The following ATM variants were observed in gnomAD, a reference collection of about 807,000 sequenced individuals.
The protein encoded by ATM is serine-protein kinase ATM.
ATM carries 308 observed loss-of-function variants against 387.0 expected under a neutral mutation model. The ratio of observed to expected loss-of-function variants is 0.80; its 90% CI spans 0.73 to 0.87. The LOEUF (loss-of-function observed/expected upper bound fraction) is 0.87. Among genes scored for constraint, ATM ranks in the 40% least tolerant of loss-of-function variants. The probability of loss-of-function intolerance (pLI) is 0.00; values close to 1 mark genes in which losing one functional copy is unlikely to be tolerated. For missense variants in ATM, 3,312 were observed against 3,560.9 expected, an observed-to-expected ratio of 0.93 and a Z score of 1.78; for synonymous variants, 1,156 against 1,187.3, an observed-to-expected ratio of 0.97 and a Z score of 0.54.
intron 48 of ATM, among the ~76,000 whole-genome samples, chr11:108,328,257 T>C (rs2085882302): frequency 6.6e-6 from 1 of 152,172 alleles, no homozygotes; most frequent in Non-Finnish European, 1.5e-5. Context: ...TTTTCTTTTC[T>C]TTTCTTTGAG....
chr11:108,298,028 A>T (rs1315361386), intron 33 of ATM, among the ~76,000 whole-genome samples: 2 of 152,220 alleles, frequency 1.3e-5, no homozygotes, highest in African/African-American at 4.8e-5. Flanking sequence ...TATGTAGCAG[A>T]CATAAGAATG....
chr11:108,353,992 G>T (rs1198251837), intron 60 of ATM, 112 bp downstream of exon 60: 29 of 1,047,316 alleles, frequency 2.8e-5, no homozygotes, highest in Non-Finnish European at 4.2e-5. Flanking sequence ...GAAGTGGGAG[G>T]ATTGTTTGAG....
chr11:108,264,415 T>G (rs1002291148), intron 16 of ATM, among the ~76,000 whole-genome samples: 1 of 152,190 alleles, frequency 6.6e-6, no homozygotes, highest in African/African-American at 2.4e-5. Context: ...GAAAAGGCCT[T>G]GGACAAAATT....
intron 7 of ATM, among the ~76,000 whole-genome samples, chr11:108,245,745 T>C (rs2079815741): frequency 6.6e-6 from 1 of 152,018 alleles, no homozygotes; most frequent in Admixed American, 6.6e-5. Flanking sequence ...TCATCATGGC[T>C]AGTATAGTGA....
At chr11:108,321,176 C>G (rs577845640) in intron 44 of ATM, 125 bp from the exon 45 acceptor site, 1 of 1,268,236 alleles carries the variant, frequency 7.9e-7, no homozygotes, top group South Asian at 1.3e-5. Context: ...TTCACTGTTG[C>G]TTGTTAGTAT....
rs1034235291 is a variant in ATM, at chr11:108,293,313, G to C, written c.4612G>C (p.Val1538Leu). The C allele has an allele frequency of 6.6e-7, 1 of 1,510,568 alleles. No individual in the cohort carries two copies. The highest frequency in any genetic ancestry group is 1.9e-4 in the Middle Eastern group (1 of 5,268). 93.6% of individuals were successfully genotyped at this position (1,510,568 alleles called of 1,614,324 possible). A position where few individuals can be genotyped will look rare whatever the true frequency, so the allele number is the denominator to read the frequency against. ...TTTTTTCTTTTTAAATTATATTTAGGTATTGGACTTGTTGAAATACTTAGT... is the reference window on the plus strand; with the variant it reads ...TTTTTTCTTTTTAAATTATATTTAGCTATTGGACTTGTTGAAATACTTAGT... ...VYEQVEVQKQ[V>L]LDLLKYLVID... The change falls in exon 31 of 63, where the codon GTA (valine) becomes CTA (leucine). Residue 1538 changes from valine to leucine, a missense_variant and splice_region_variant. Physicochemically the swap from Val to Leu is conservative, Grantham distance 32. This residue lies in a region of ATM where 1,791 missense variants were observed against 1,804.5 expected (regional missense o/e 0.99). Transcript: ENST00000675843.
chr11:108,304,584 A>G, intron 36 of ATM, 91 bp from the exon 37 acceptor site: 1 of 1,236,908 alleles, frequency 8.1e-7, no homozygotes, highest in South Asian at 1.3e-5. Context: ...GAAATTTAAT[A>G]TGTCAACGGG....
chr11:108,327,531 TCCCACC>T, intron 47 of ATM, 108 bp from the exon 48 acceptor site: 1 of 807,648 alleles, frequency 1.2e-6, no homozygotes, highest in South Asian at 1.5e-5. Context: ...ACTTTTTTTT[TCCCACC>T]CACCAAGGAA....
rs768356403 is a variant in ATM, at chr11:108,281,134, AAG to A, written c.3546_3547del (p.Asn1183TrpfsTer16). The A allele has an allele frequency of 1.2e-6, 2 of 1,614,000 alleles. No homozygotes were observed. Among genetic ancestry groups the A allele is most frequent in the South Asian group, 2.2e-5 (2 of 91,084 alleles). ...TTGTTTGCCCTGTGTAAATCTGTGA[AAG>A]AGAATGGATTAGAACCTCACCTTGT... On this transcript the variant is annotated frameshift_variant, in exon 24 of 63. Coordinates refer to ENST00000675843, the MANE Select transcript of ATM (RefSeq NM_000051.4). LOFTEE classifies it high-confidence loss of function.
intron 4 of ATM, 90 bp from the exon 5 acceptor site, chr11:108,235,580 C>T (rs1462890819): frequency 2.7e-5 from 33 of 1,230,642 alleles, no homozygotes; most frequent in Non-Finnish European, 3.4e-5. Context: ...ATAGTAATTT[C>T]CCAAATGGAA....
In ATM at chr11:108,320,133, AT is replaced by A. The variant is rs2085097302; in HGVS notation, c.6452+79del. 1.5e-5 allele frequency: 17 copies of A among 1,141,290 alleles called. No homozygotes were observed. In the South Asian group the frequency reaches 2.1e-4, roughly 14 times the overall value. The allele number at this position is 1,141,290 out of a possible 1,614,324, so 70.7% of individuals were successfully genotyped here. A position where few individuals can be genotyped will look rare whatever the true frequency, so the allele number is the denominator to read the frequency against. ...TTCTTTTCTGAAAACTTGAGAAACA[AT>A]TTTAATGTAAGGATTTGCATTGATG... On this transcript the variant is annotated intron_variant, in intron 44 of 62. Coordinates refer to ENST00000675843, the MANE Select transcript of ATM (RefSeq NM_000051.4).
intron 38 of ATM, chr11:108,308,192 CTGTACCAGTAACCA>C (rs2083844775): frequency 1.7e-6 from 1 of 579,044 alleles, no homozygotes; most frequent in African/African-American, 1.9e-5. Context: ...CTAGTACCAG[CTGTACCAGTAACCA>C]TGTTACCTTT....
At chr11:108,354,919 T>C (rs368112789) in intron 61 of ATM, 45 bp downstream of exon 61, 28 of 1,498,510 alleles carry the variant, frequency 1.9e-5, no homozygotes, top group Non-Finnish European at 2.3e-5. Flanking sequence ...TCTTACCAGG[T>C]AGACTGTGTA....
intron 37 of ATM, among the ~76,000 whole-genome samples, chr11:108,306,308 C>A (rs2083686874): frequency 6.6e-6 from 1 of 151,828 alleles, no homozygotes; most frequent in Admixed American, 6.6e-5. Context: ...TTTCCTTAGG[C>A]CACTGAAATG....
chr11:108,334,948 T>G lies in ATM; in HGVS notation c.8011-21T>G. Reference sequence around the variant, plus strand: ...AATAGTGTATCTGACCTATTATCAATCATGTTTATACTTTTATTAGGTGGA... The same window carrying G: ...AATAGTGTATCTGACCTATTATCAAGCATGTTTATACTTTTATTAGGTGGA... On this transcript the variant is annotated intron_variant, in intron 54 of 62. Coordinates refer to ENST00000675843, the MANE Select transcript of ATM (RefSeq NM_000051.4). 1 of 1,606,502 alleles carries G rather than the reference T, an allele frequency of 6.2e-7. No individual in the cohort carries two copies. The highest frequency in any genetic ancestry group is 8.5e-7 in the Non-Finnish European group (1 of 1,173,112).
At chr11:108,287,820 CT>C in intron 27 of ATM, 105 bp downstream of exon 27, 2 of 817,524 alleles carry the variant, frequency 2.4e-6, no homozygotes. Flanking sequence ...AGACATCACT[CT>C]TTTTAAAAAA....
At chr11:108,295,312 A>ATTTTTTTTTTAAGAGACAGAGTTGTT (rs2083062345) in intron 32 of ATM, 1 of 355,742 alleles carries the variant, frequency 2.8e-6, no homozygotes, top group Non-Finnish European at 5.1e-6. Flanking sequence ...TACTGCCTAA[A>ATTTTTTTTTTAAGAGACAGAGTTGTT]TTTTTTTTTT....
At chr11:108,324,526 C>G (rs1310743849) in intron 45 of ATM, among the ~76,000 whole-genome samples, 1 of 152,024 alleles carries the variant, frequency 6.6e-6, no homozygotes, top group Non-Finnish European at 1.5e-5. Context: ...TAAAGGAGTT[C>G]CGCAAAAAGT....
chr11:108,302,717 G>A, intron 35 of ATM, 136 bp from the exon 36 acceptor site: 1 of 840,012 alleles, frequency 1.2e-6, no homozygotes, highest in Non-Finnish European at 1.8e-6. Context: ...CATCTTAAAA[G>A]GTAAACATTG....
Sources: gnomAD v4.1 joint callset for allele counts (sites outside exome capture counted in the v4.1 genomes callset) on GRCh38, gnomAD v4.1.1 for gene constraint, gnomAD v4.1.1 regional missense constraint, MANE v1.5 for transcripts, NCBI Gene and HGNC (gene_info 2026-07-23, HGNC 2026-07-21) for gene names.